BLNK: variants seen among roughly 807,000 people sequenced by gnomAD.
BLNK encodes the protein B cell linker, also known as B-cell linker protein.
In BLNK, 29 loss-of-function variants were observed where a neutral mutation model predicts 73.5. That is an observed-to-expected ratio of 0.39 (90% CI 0.29 to 0.54). The LOEUF is 0.54. Among genes scored for constraint, BLNK ranks in the 20% least tolerant of loss-of-function variants. BLNK has a pLI of 0.61. For missense variants in BLNK, 460 were observed against 562.8 expected (o/e 0.82, Z 1.85); for synonymous variants, 176 against 200.8 (o/e 0.88, Z 1.04).
intron 1 of BLNK, among the ~76,000 whole-genome samples, chr10:96,249,034 A>G (rs782712209): frequency 6.6e-6 from 1 of 152,244 alleles, no homozygotes; most frequent in African/African-American, 2.4e-5. Flanking sequence ...ATAAAATTTC[A>G]CGTGGTTCTT....
At chr10:96,250,218 G>T (rs564849497) in intron 1 of BLNK, among the ~76,000 whole-genome samples, 1 of 152,282 alleles carries the variant, frequency 6.6e-6, no homozygotes, top group South Asian at 2.1e-4. Flanking sequence ...GACACACAGA[G>T]GGTCCCTCAG....
At position 96,191,024 on chromosome 10, in the gene BLNK, G is replaced by A. The variant is rs1413293774; in HGVS notation, c.*949C>T. On this transcript the variant is annotated 3_prime_UTR_variant, in exon 17 of 17. Transcript: ENST00000224337. ...CCCCACGTGCCATGGGAGGGACCTG[G>A]TGGGAGGTAACTGAATCACGCGGGC... 6.6e-6 allele frequency among the ~76,000 whole-genome samples: 1 copy of A among 152,148 alleles called. No individual in the cohort carries two copies. The highest frequency in any genetic ancestry group is 6.5e-5 in the Admixed American group (1 of 15,272).
chr10:96,230,652 A>T (rs1842463025), intron 4 of BLNK, 142 bp downstream of exon 4: 6 of 898,236 alleles, frequency 6.7e-6, no homozygotes, highest in Non-Finnish European at 1.1e-5. Flanking sequence ...GGTATGCAGT[A>T]TGCCTTGCCT....
At chr10:96,228,692 A>G (rs1842375709) in intron 4 of BLNK, among the ~76,000 whole-genome samples, 1 of 152,230 alleles carries the variant, frequency 6.6e-6, no homozygotes. Flanking sequence ...AGAGGCAGAA[A>G]GAGTCACTAG....
At chr10:96,206,006 A>G (rs1554897347) in intron 11 of BLNK, among the ~76,000 whole-genome samples, 1 of 152,202 alleles carries the variant, frequency 6.6e-6, no homozygotes, top group African/African-American at 2.4e-5. Flanking sequence ...AAAAGCCTCA[A>G]AGGGAAGGCA....
chr10:96,264,694 A>G (rs932750886), intron 1 of BLNK, among the ~76,000 whole-genome samples: 2 of 152,176 alleles, frequency 1.3e-5, no homozygotes, highest in African/African-American at 4.8e-5. Context: ...AAAAAAATAT[A>G]TACACACTGG....
At chr10:96,259,070 T>C (rs1208113558) in intron 1 of BLNK, among the ~76,000 whole-genome samples, 1 of 152,206 alleles carries the variant, frequency 6.6e-6, no homozygotes, top group Non-Finnish European at 1.5e-5. Context: ...GAGCCTATGC[T>C]CTCAACCCAC....
chr10:96,267,622 C>T (rs967564614), intron 1 of BLNK, among the ~76,000 whole-genome samples: 15 of 152,194 alleles, frequency 9.9e-5, no homozygotes, highest in Non-Finnish European at 1.8e-4. Flanking sequence ...CAGACACCCA[C>T]AGCAGGGTTC....
chr10:96,248,498 G>T (rs542106579), intron 1 of BLNK, among the ~76,000 whole-genome samples: 2 of 152,316 alleles, frequency 1.3e-5, no homozygotes, highest in African/African-American at 4.8e-5. Flanking sequence ...ATAATATCCA[G>T]TGTTGAGAAA....
chr10:96,194,209 C>T (rs1281755100), intron 16 of BLNK, among the ~76,000 whole-genome samples: 2 of 152,148 alleles, frequency 1.3e-5, no homozygotes, highest in Non-Finnish European at 2.9e-5. Flanking sequence ...AGCTTCTTCA[C>T]CCACCCTTAA....
chr10:96,204,297 G>T (rs2083737983), intron 12 of BLNK: 1 of 712,256 alleles, frequency 1.4e-6, no homozygotes, highest in African/African-American at 1.8e-5. Context: ...AGGAAATCTT[G>T]ACTAAAGTAT....
chr10:96,228,088 T>C (rs1052425965), intron 4 of BLNK, among the ~76,000 whole-genome samples: 7 of 14,726 alleles, frequency 4.8e-4, no homozygotes, highest in South Asian at 8.9e-3. Flanking sequence ...TTTGCTCTCT[T>C]TTTTTTCTTT....
At chr10:96,202,820 C>A (rs986739566) in intron 13 of BLNK, among the ~76,000 whole-genome samples, 1 of 152,146 alleles carries the variant, frequency 6.6e-6, no homozygotes, top group South Asian at 2.1e-4. Flanking sequence ...TTCTGACACC[C>A]GAATGTGCTA....
intron 3 of BLNK, among the ~76,000 whole-genome samples, chr10:96,241,582 A>G (rs587770213): frequency 3.3e-5 from 5 of 152,212 alleles, no homozygotes; most frequent in African/African-American, 1.2e-4. Context: ...ATCCTCAAAT[A>G]TCAATTTAAA....
chr10:96,245,778 GTGTA>G (rs1429424543), intron 2 of BLNK, among the ~76,000 whole-genome samples: 2 of 152,132 alleles, frequency 1.3e-5, no homozygotes, highest in South Asian at 2.1e-4. Context: ...TACAATGTCA[GTGTA>G]TGTATGTATG....
At chr10:96,260,848 CTT>C (rs112579082) in intron 1 of BLNK, among the ~76,000 whole-genome samples, 6 of 145,424 alleles carry the variant, frequency 4.1e-5, no homozygotes, top group Non-Finnish European at 3.0e-5. Flanking sequence ...GAAGCAATAT[CTT>C]TTTTTTTTTT....
At chr10:96,232,560 G>C (rs1479581157) in intron 3 of BLNK, among the ~76,000 whole-genome samples, 1 of 152,124 alleles carries the variant, frequency 6.6e-6, no homozygotes, top group African/African-American at 2.4e-5. Flanking sequence ...AAGCAATGGC[G>C]GCAGCAGCAC....
chr10:96,195,856 G>T (rs1418208622), intron 16 of BLNK, among the ~76,000 whole-genome samples: 2 of 152,136 alleles, frequency 1.3e-5, no homozygotes, highest in African/African-American at 4.8e-5. Context: ...GACTTTTTCA[G>T]TTTGTTTTGC....
At chr10:96,201,182 A>C in intron 13 of BLNK, 124 bp from the exon 14 acceptor site, 2 of 855,058 alleles carry the variant, frequency 2.3e-6, no homozygotes, top group East Asian at 5.2e-5. Context: ...TCCTTAAGGC[A>C]ATGGTTCCAA....
Sources: allele counts gnomAD v4.1 joint callset (sites outside exome capture counted in the v4.1 genomes callset), GRCh38; gene constraint gnomAD v4.1.1; transcripts MANE v1.5; gene names NCBI Gene and HGNC (gene_info 2026-07-23, HGNC 2026-07-21).